ZFHX3: variants seen among roughly 807,000 people sequenced by gnomAD.
The protein encoded by ZFHX3 is zinc finger homeobox 3.
Under a neutral mutation model 279.1 loss-of-function variants are expected in ZFHX3, and 42 were observed. That is an observed-to-expected ratio of 0.15 (90% CI 0.12 to 0.19). The LOEUF is 0.19. Among genes scored for constraint, ZFHX3 ranks in the 10% least tolerant of loss-of-function variants. The pLI is 1.00. For synonymous variants in ZFHX3, 2,293 were observed against 1,957.8 expected (o/e 1.17, Z -4.52); for missense variants, 4,981 against 4,754.0 (o/e 1.05, Z -1.40).
At chr16:72,979,929 GA>G (rs199700850) in intron 1 of ZFHX3, among the ~76,000 whole-genome samples, 4 of 151,412 alleles carry the variant, frequency 2.6e-5, no homozygotes, top group African/African-American at 4.9e-5. Context: ...ATGTCCAAGA[GA>G]AAAAAAAATC....
chr16:73,563,458 C>T (rs889869498), intron 2 of ZFHX3, among the ~76,000 whole-genome samples: 3 of 151,948 alleles, frequency 2.0e-5, no homozygotes, highest in Non-Finnish European at 2.9e-5. Flanking sequence ...GGGGTTTCAC[C>T]GTGTTAGCCA....
At position 73,458,684 on chromosome 16, in the gene ZFHX3, C is replaced by A. The variant is rs140217649; in HGVS notation, c.-1546-2426G>T. On this transcript the variant is annotated intron_variant, in intron 2 of 17. Coordinates refer to the ZFHX3 transcript ENST00000641206. ...TGATGCGGGTTGGCTCCCTCGGTCA[C>A]CTCTCCCTACCCCAGGTCACCCCCA... Among the ~76,000 whole-genome samples, 1,488 of 152,264 alleles carry A rather than the reference C, an allele frequency of 9.8e-3. 11 individuals carry two copies. The highest frequency in any genetic ancestry group is 0.016 in the Non-Finnish European group (1,073 of 68,038).
At chr16:72,819,585 G>A (rs1234390113) in intron 5 of ZFHX3, among the ~76,000 whole-genome samples, 1 of 152,198 alleles carries the variant, frequency 6.6e-6, no homozygotes, top group Non-Finnish European at 1.5e-5. Context: ...AGTGGTCAGA[G>A]CCAAGGCTTT....
intron 1 of ZFHX3, among the ~76,000 whole-genome samples, chr16:73,747,658 G>A (rs934378961): frequency 6.6e-6 from 1 of 152,234 alleles, no homozygotes; most frequent in African/African-American, 2.4e-5. Flanking sequence ...CCCTCAGATA[G>A]ATATAAGTAT....
intron 1 of ZFHX3, among the ~76,000 whole-genome samples, chr16:72,965,345 T>C (rs1217351022): frequency 6.6e-6 from 1 of 152,104 alleles, no homozygotes; most frequent in Non-Finnish European, 1.5e-5. Context: ...TTTTCTTGCT[T>C]GAGAGTGATG....
Position 73,145,182 on chromosome 16 carries a change from G to A in ZFHX3, c.-1103-1351C>T, listed in dbSNP as rs149954046. ...ACTCGGGCTTGTTTCTGTACTTCAA[G>A]CTCAAGCCTCCTGTTGGGGGAGCAG... On this transcript the variant is annotated intron_variant, in intron 5 of 17. Coordinates refer to the ZFHX3 transcript ENST00000641206. Among the ~76,000 whole-genome samples the A allele has an allele frequency of 3.3e-5, 5 of 152,258 alleles. No individual in the cohort carries two copies. In the East Asian group the frequency reaches 9.7e-4, roughly 30 times the overall value.
At chr16:73,753,036 G>A (rs1055455285) in intron 1 of ZFHX3, among the ~76,000 whole-genome samples, 2 of 152,104 alleles carry the variant, frequency 1.3e-5, no homozygotes, top group Non-Finnish European at 2.9e-5. Context: ...GTGCATTTTT[G>A]TGTGTATTGT....
chr16:73,847,968 C>A (rs1027655058), intron 1 of ZFHX3, among the ~76,000 whole-genome samples: 1 of 135,642 alleles, frequency 7.4e-6, no homozygotes, highest in Non-Finnish European at 1.5e-5. Context: ...ACCATATTGG[C>A]CAGACTGGTC....
At chr16:73,416,114 C>T (rs1020123256) in intron 3 of ZFHX3, among the ~76,000 whole-genome samples, 1 of 136,606 alleles carries the variant, frequency 7.3e-6, no homozygotes, top group African/African-American at 3.1e-5. Flanking sequence ...AAGAGCAAGA[C>T]TCCATCTCAA....
intron 1 of ZFHX3, among the ~76,000 whole-genome samples, chr16:73,787,564 A>G (rs558109418): frequency 6.6e-6 from 1 of 152,330 alleles, no homozygotes; most frequent in Admixed American, 6.5e-5. Context: ...TGGATTCATT[A>G]GGTATTCAAA....
intron 1 of ZFHX3, among the ~76,000 whole-genome samples, chr16:73,816,573 T>C (rs1960578019): frequency 6.6e-6 from 1 of 152,074 alleles, no homozygotes; most frequent in African/African-American, 2.4e-5. Context: ...TCTGGCCTTG[T>C]ACAGAAAAAA....
intron 2 of ZFHX3, among the ~76,000 whole-genome samples, chr16:73,677,775 C>T (rs2052969483): frequency 6.6e-6 from 1 of 151,914 alleles, no homozygotes; most frequent in Non-Finnish European, 1.5e-5. Context: ...CTTCAAACAA[C>T]TTCTCCTCCT....
chr16:72,980,595 C>T lies in ZFHX3; in HGVS notation c.-49-20401G>A, dbSNP rs1211368832. Among the ~76,000 whole-genome samples the T allele has an allele frequency of 2.1e-5, 3 of 145,108 alleles. No individual in the cohort carries two copies. In the East Asian group the frequency reaches 5.9e-4, roughly 29 times the overall value. The stretch of plus-strand genomic sequence containing the variant: ...GCAACAAGGTGAAACCCCATCACTA[C>T]CAAAAGTTAAAAAAAAAAAAACAAA... On this transcript the variant is annotated intron_variant, in intron 1 of 9. Coordinates refer to ENST00000268489, the MANE Select transcript of ZFHX3 (RefSeq NM_006885.4).
In ZFHX3 at chr16:72,959,303, G is replaced by T; in HGVS notation, c.843C>A (p.Ile281=). 6.2e-7 allele frequency: 1 copy of T among 1,614,244 alleles called. No individual in the cohort carries two copies. The highest frequency in any genetic ancestry group is 8.5e-7 in the Non-Finnish European group (1 of 1,180,052). The stretch of plus-strand genomic sequence containing the variant: ...AGAGTTTGCACAAGAAACACATCAG[G>T]ATGGGCTTCCTCTTGCCATAGAGCA... The part of the protein sequence containing the change: ...GFVLYGKRKP[I]LMCFLCKLSF... The change falls in exon 2 of 10, where the codon ATC becomes ATA. Residue 281 remains isoleucine, a synonymous_variant. Coordinates refer to ENST00000268489, the MANE Select transcript of ZFHX3 (RefSeq NM_006885.4).
At chr16:73,773,464 AGGCCCT>A (rs2054042824) in intron 1 of ZFHX3, among the ~76,000 whole-genome samples, 1 of 152,250 alleles carries the variant, frequency 6.6e-6, no homozygotes, top group African/African-American at 2.4e-5. Flanking sequence ...AGTATGAGCC[AGGCCCT>A]GGTCCTGTCT....
intron 3 of ZFHX3, among the ~76,000 whole-genome samples, chr16:73,451,709 T>A (rs561756642): frequency 6.6e-6 from 1 of 152,160 alleles, no homozygotes; most frequent in Admixed American, 6.5e-5. Flanking sequence ...TTCTGTTAAC[T>A]GGGAAATGAC....
chr16:72,850,903 C>CA (rs2037599357), intron 4 of ZFHX3, among the ~76,000 whole-genome samples: 1 of 151,406 alleles, frequency 6.6e-6, no homozygotes, highest in African/African-American at 2.4e-5. Flanking sequence ...GGAGGGGGTG[C>CA]AAGCAACGAA....
intron 2 of ZFHX3, among the ~76,000 whole-genome samples, chr16:73,618,849 C>T (rs1352667365): frequency 6.6e-6 from 1 of 152,126 alleles, no homozygotes; most frequent in Non-Finnish European, 1.5e-5. Flanking sequence ...TGCTCTCCCT[C>T]GGTAGTTTAG....
chr16:73,386,925 G>A (rs772185851), intron 3 of ZFHX3: 6 of 152,148 alleles, frequency 3.9e-5, no homozygotes, highest in Non-Finnish European at 8.8e-5. Context: ...GAGTAAATCT[G>A]TTAGTGATCT....
Sources: gnomAD v4.1 joint callset for allele counts (sites outside exome capture counted in the v4.1 genomes callset) on GRCh38, gnomAD v4.1.1 for gene constraint, MANE v1.5 for transcripts, NCBI Gene and HGNC (gene_info 2026-07-23, HGNC 2026-07-21) for gene names.